The following WDR4 variants were observed in gnomAD, a reference collection of about 807,000 sequenced individuals.
The protein encoded by WDR4 is WDR4 tRNA N7-guanosine methyltransferase non-catalytic subunit.
WDR4 carries 47 observed loss-of-function variants against 48.6 expected under a neutral mutation model. The ratio of observed to expected loss-of-function variants is 0.97; its 90% CI spans 0.77 to 1.23. The LOEUF is 1.23. WDR4 is among the 50% of genes most tolerant of loss of function. The pLI, the probability that WDR4 is intolerant of heterozygous loss-of-function variation, is 0.00. For synonymous variants in WDR4, 268 were observed against 230.0 expected (o/e 1.17, Z -1.49); for missense variants, 606 against 551.6 (o/e 1.10, Z -0.99).
At position 42,859,722 on chromosome 21, in the gene WDR4, C is replaced by A. The variant is rs1602718381; in HGVS notation, c.567G>T (p.Glu189Asp). The A allele has an allele frequency of 6.4e-7, 1 of 1,558,022 alleles. No homozygotes were observed. Among genetic ancestry groups the A allele is most frequent in the South Asian group, 1.2e-5 (1 of 84,304 alleles). The change falls in exon 6 of 11, where the codon GAG (glutamate) becomes GAT (aspartate). Residue 189 changes from glutamate (E) to aspartate (D), a missense_variant and splice_region_variant. Coordinates refer to ENST00000398208, the MANE Select transcript of WDR4 (RefSeq NM_018669.6). ...SIESFCLGHT[E>D]FVSRISVVPT... ...GCACCACGGAGATACGGCTCACAAA[C>A]CTGTGAGGGCGAGAGAGAGCGGCAG...
the WDR4 span, among the ~76,000 whole-genome samples, chr21:42,889,098 T>A: frequency 9.9e-5 from 15 of 151,938 alleles, no homozygotes; most frequent in African/African-American, 2.9e-4. Flanking sequence ...TTCTCCTGCC[T>A]CAGCCTCCCG....
chr21:42,890,400 G>T, the WDR4 span, among the ~76,000 whole-genome samples: 1 of 152,126 alleles, frequency 6.6e-6, no homozygotes, highest in Non-Finnish European at 1.5e-5. Flanking sequence ...GCTGGGCATG[G>T]TGGCACACGC....
chr21:42,864,444 C>T (rs945529537), intron 3 of WDR4, among the ~76,000 whole-genome samples: 1 of 152,176 alleles, frequency 6.6e-6, no homozygotes, highest in East Asian at 1.9e-4. Context: ...GACAGAGAGC[C>T]GTGCCCCATG....
intron 1 of WDR4, chr21:42,879,007 C>A (rs2058566103): frequency 9.8e-7 from 1 of 1,019,144 alleles, no homozygotes; most frequent in South Asian, 4.4e-5. Flanking sequence ...AGACCCGAGA[C>A]CCGCTTCTTC....
chr21:42,881,460 C>A (rs1024613126), upstream of WDR4, among the ~76,000 whole-genome samples: 1 of 152,174 alleles, frequency 6.6e-6, no homozygotes, highest in African/African-American at 2.4e-5. Context: ...CATATTCAAG[C>A]AAAAGAAACA....
rs1000325000 is a variant in WDR4, at chr21:42,862,900, T to C, written c.454-506A>G. Among the ~76,000 whole-genome samples the C allele has an allele frequency of 1.7e-4, 26 of 152,312 alleles. No individual in the cohort carries two copies. Among genetic ancestry groups the C allele is most frequent in the African/African-American group, 6.0e-4 (25 of 41,562 alleles). On this transcript the variant is annotated intron_variant, in intron 4 of 10. Transcript: ENST00000398208. This position sits in a 1 kb window ranked among gnomAD's most constrained non-coding sequence, Gnocchi z 4.3. ...AGCTCCACCACCCGGGCTGTGGGCC[T>C]GCGCCCTCTGGGGCTCCAGGTGTGT...
chr21:42,887,281 G>T, the WDR4 span, among the ~76,000 whole-genome samples: 15 of 151,518 alleles, frequency 9.9e-5, no homozygotes, highest in African/African-American at 3.6e-4. Flanking sequence ...TGTGGGCCAC[G>T]GCGCCTGGCC....
intron 10 of WDR4, among the ~76,000 whole-genome samples, chr21:42,850,807 C>G (rs918997970): frequency 1.3e-5 from 2 of 152,202 alleles, no homozygotes; most frequent in African/African-American, 2.4e-5. Context: ...TCTGCCGCCA[C>G]AGGGAATGGA....
At chr21:42,847,728 A>G (rs989857037), downstream of WDR4, among the ~76,000 whole-genome samples, 3 of 152,262 alleles carry the variant, frequency 2.0e-5, no homozygotes, top group Non-Finnish European at 2.9e-5. Context: ...GTCATGAAAT[A>G]TATTTTTAAT....
At chr21:42,858,422 T>C (rs1397790875) in intron 6 of WDR4, among the ~76,000 whole-genome samples, 2 of 152,184 alleles carry the variant, frequency 1.3e-5, no homozygotes, top group South Asian at 2.1e-4. Flanking sequence ...GAGAGCACAC[T>C]GTGCAAGGCC....
downstream of WDR4, among the ~76,000 whole-genome samples, chr21:42,845,520 GTAAGTGATC>G (rs2057703468): frequency 6.6e-6 from 1 of 152,198 alleles, no homozygotes; most frequent in South Asian, 2.1e-4. Flanking sequence ...TTCCCCCAGG[GTAAGTGATC>G]TAAGACGGGT....
intron 3 of WDR4, among the ~76,000 whole-genome samples, chr21:42,868,920 G>GAAAC (rs1569331067): frequency 6.6e-6 from 1 of 152,244 alleles, no homozygotes; most frequent in African/African-American, 2.4e-5. Context: ...GAGGTACAAG[G>GAAAC]AAACACTAGC....
chr21:42,868,274 T>C (rs868342980), intron 3 of WDR4, among the ~76,000 whole-genome samples: 1 of 152,218 alleles, frequency 6.6e-6, no homozygotes, highest in Non-Finnish European at 1.5e-5. Flanking sequence ...GCAGGCAGAC[T>C]GGACATCCCC....
upstream of WDR4, among the ~76,000 whole-genome samples, chr21:42,881,581 A>G (rs538276191): frequency 3.2e-4 from 30 of 94,346 alleles, no homozygotes; most frequent in South Asian, 6.3e-4. Flanking sequence ...CAAATCCTTC[A>G]CCGTGACATA....
intron 1 of WDR4, among the ~76,000 whole-genome samples, chr21:42,877,349 G>A (rs1329677803): frequency 6.6e-6 from 1 of 150,956 alleles, no homozygotes; most frequent in Non-Finnish European, 1.5e-5. Flanking sequence ...TCGCCATGTT[G>A]GCCAGGCTGG....
chr21:42,854,836 C>G (rs1329508590), intron 7 of WDR4, among the ~76,000 whole-genome samples: 1 of 152,044 alleles, frequency 6.6e-6, no homozygotes, highest in Non-Finnish European at 1.5e-5. Context: ...CCCAGTGGTT[C>G]TGGCACTCCC....
At chr21:42,852,855 C>T (rs1225778693) in intron 9 of WDR4, among the ~76,000 whole-genome samples, 1 of 150,076 alleles carries the variant, frequency 6.7e-6, no homozygotes, top group Non-Finnish European at 1.5e-5. Context: ...GCGGAGGTCG[C>T]GGTGAGCCGA....
intron 2 of WDR4, among the ~76,000 whole-genome samples, chr21:42,874,394 T>C (rs1041521342): frequency 1.6e-4 from 25 of 152,156 alleles, no homozygotes; most frequent in Admixed American, 1.2e-3. Flanking sequence ...AGAGCATGTG[T>C]GTTTGAACAA....
chr21:42,847,772 C>T (rs777565829), downstream of WDR4, among the ~76,000 whole-genome samples: 1 of 152,200 alleles, frequency 6.6e-6, no homozygotes, highest in Non-Finnish European at 1.5e-5. Flanking sequence ...GTAAAAAAGC[C>T]ATTCACAGGC....
Sources: gnomAD v4.1 joint callset for allele counts (sites outside exome capture counted in the v4.1 genomes callset) on GRCh38, gnomAD v4.1.1 for gene constraint, Gnocchi (gnomAD v3.1) non-coding constraint, MANE v1.5 for transcripts, NCBI Gene and HGNC (gene_info 2026-07-23, HGNC 2026-07-21) for gene names.